HIVEP2: variants seen among roughly 807,000 people sequenced by gnomAD.
HIVEP2 encodes transcription factor HIVEP2.
HIVEP2 carries 14 observed loss-of-function variants against 180.7 expected under a neutral mutation model. The observed-to-expected ratio is 0.08, with a 90% CI of 0.05 to 0.12. The LOEUF (loss-of-function observed/expected upper bound fraction) is 0.12. HIVEP2 is among the 10% of genes least tolerant of loss of function. The pLI is 1.00. For missense variants in HIVEP2, 2,579 were observed against 3,008.5 expected, an observed-to-expected ratio of 0.86 and a Z score of 3.34; for synonymous variants, 1,184 against 1,136.4, an observed-to-expected ratio of 1.04 and a Z score of -0.84.
chr6:142,885,818 G>A (rs1313856678), intron 1 of HIVEP2, among the ~76,000 whole-genome samples: 4 of 152,122 alleles, frequency 2.6e-5, no homozygotes, highest in Non-Finnish European at 4.4e-5. Flanking sequence ...TTTATAAGCC[G>A]TAAACAGTAC....
At chr6:142,844,455 C>T (rs763138390) in intron 1 of HIVEP2, among the ~76,000 whole-genome samples, 2 of 152,092 alleles carry the variant, frequency 1.3e-5, no homozygotes, top group Non-Finnish European at 2.9e-5. Flanking sequence ...CTATGAAATT[C>T]GTCATCTTAT....
intron 2 of HIVEP2, among the ~76,000 whole-genome samples, chr6:142,789,968 T>C (rs1776098563): frequency 6.6e-6 from 1 of 152,146 alleles, no homozygotes; most frequent in Admixed American, 6.6e-5. Context: ...TAGAAGATAA[T>C]CAATTTCCAT....
At chr6:142,940,880 G>C (rs934603531) in intron 1 of HIVEP2, among the ~76,000 whole-genome samples, 1 of 152,156 alleles carries the variant, frequency 6.6e-6, no homozygotes, top group African/African-American at 2.4e-5. Context: ...AGAAGTAGCA[G>C]GTGAGACCCC....
At chr6:142,860,945 T>C (rs1429986365) in intron 1 of HIVEP2, among the ~76,000 whole-genome samples, 3 of 152,228 alleles carry the variant, frequency 2.0e-5, no homozygotes, top group Admixed American at 2.0e-4. Flanking sequence ...ATGTGCCTTA[T>C]TTAATGTTGG....
At chr6:142,895,382 G>C (rs1776961221) in intron 1 of HIVEP2, among the ~76,000 whole-genome samples, 1 of 151,728 alleles carries the variant, frequency 6.6e-6, no homozygotes, top group African/African-American at 2.4e-5. Context: ...CTGGTCAAAT[G>C]ATGTAGGATG....
At chr6:142,855,220 C>G (rs1362601743) in intron 1 of HIVEP2, among the ~76,000 whole-genome samples, 1 of 152,212 alleles carries the variant, frequency 6.6e-6, no homozygotes, top group African/African-American at 2.4e-5. Context: ...ACAAGAGCAA[C>G]TTTTTTGAAC....
At chr6:142,886,773 C>T (rs149482225) in intron 1 of HIVEP2, among the ~76,000 whole-genome samples, 5 of 152,264 alleles carry the variant, frequency 3.3e-5, no homozygotes, top group African/African-American at 1.2e-4. Flanking sequence ...AACCTGTTAA[C>T]AACACTGTTC....
At chr6:142,856,655 G>A (rs1016678226) in intron 1 of HIVEP2, among the ~76,000 whole-genome samples, 6 of 152,342 alleles carry the variant, frequency 3.9e-5, no homozygotes, top group East Asian at 1.9e-4. Context: ...ACAGACAAGC[G>A]TAAAGCCTTC....
At chr6:142,870,135 C>T (rs958521402) in intron 1 of HIVEP2, among the ~76,000 whole-genome samples, 1 of 151,762 alleles carries the variant, frequency 6.6e-6, no homozygotes, top group African/African-American at 2.4e-5. Flanking sequence ...CCTGGGTCTG[C>T]AGCAGCCCAC....
chr6:142,808,953 C>T (rs955399258), intron 2 of HIVEP2, among the ~76,000 whole-genome samples: 1 of 152,080 alleles, frequency 6.6e-6, no homozygotes, highest in African/African-American at 2.4e-5. Flanking sequence ...CATTTGAATA[C>T]AGCTCTTCTC....
chr6:142,761,496 G>T lies in HIVEP2; in HGVS notation c.5588C>A (p.Thr1863Lys). ...KKCLELGVSMTSVDDTETEEA... is the reference protein window; with the variant it reads ...KKCLELGVSMKSVDDTETEEA... The stretch of plus-strand genomic sequence containing the variant: ...CTCAGTTTCTGTATCATCCACCGAT[G>T]TCATTGAGACTCCCAATTCCAGGCA... Residue 1863 changes from threonine (T) to lysine (K), a missense_variant, in exon 8 of 10, where the codon ACA becomes AAA. By Grantham distance (78) the Thr-to-Lys change is moderately conservative. Around this residue, in one of 11 missense-constraint regions of HIVEP2, gnomAD observed 660 missense variants for 731.7 expected, o/e 0.90. Coordinates refer to ENST00000367603, the MANE Select transcript of HIVEP2 (RefSeq NM_006734.4). The T allele has an allele frequency of 1.2e-6, 2 of 1,605,268 alleles. No individual in the cohort carries two copies. Among genetic ancestry groups the T allele is most frequent in the Non-Finnish European group, 8.5e-7 (1 of 1,172,184 alleles).
Position 142,935,245 on chromosome 6 carries a change from G to A in HIVEP2, c.-641+9854C>T, listed in dbSNP as rs1031821309. ...ACATTAAAATCAAATGTGCCAAGAA[G>A]CACTTAAGAGTGCACAGACAGGCTG... is the stretch of plus-strand genomic sequence containing the variant. On this transcript the variant is annotated intron_variant, in intron 1 of 9. Coordinates refer to ENST00000367603, the MANE Select transcript of HIVEP2 (RefSeq NM_006734.4). 5.9e-5 allele frequency among the ~76,000 whole-genome samples: 9 copies of A among 152,330 alleles called. No individual in the cohort carries two copies. The South Asian group carries it at 8.3e-4, about 14-fold the overall frequency.
chr6:142,811,398 A>G (rs1185140875), intron 2 of HIVEP2, among the ~76,000 whole-genome samples: 2 of 152,214 alleles, frequency 1.3e-5, no homozygotes, highest in East Asian at 3.8e-4. Flanking sequence ...GCTGCTTACA[A>G]ATGGGAGTAA....
chr6:142,892,757 G>T (rs1210226425), intron 1 of HIVEP2, among the ~76,000 whole-genome samples: 1 of 152,174 alleles, frequency 6.6e-6, no homozygotes, highest in Admixed American at 6.5e-5. Context: ...TGTGAAGACA[G>T]CAGGCATTCC....
At chr6:142,758,381 C>G (rs1461095603) in intron 9 of HIVEP2, among the ~76,000 whole-genome samples, 2 of 152,102 alleles carry the variant, frequency 1.3e-5, no homozygotes, top group East Asian at 3.9e-4. Flanking sequence ...ACAGGCTGAG[C>G]TCAGGATTCA....
chr6:142,866,145 C>T (rs1416588117), intron 1 of HIVEP2, among the ~76,000 whole-genome samples: 1 of 152,134 alleles, frequency 6.6e-6, no homozygotes, highest in Non-Finnish European at 1.5e-5. Flanking sequence ...AGCTCTAAAT[C>T]AGACTTTCTG....
At chr6:142,836,009 C>T (rs1240193919) in intron 2 of HIVEP2, among the ~76,000 whole-genome samples, 1 of 152,106 alleles carries the variant, frequency 6.6e-6, no homozygotes, top group African/African-American at 2.4e-5. Flanking sequence ...CTCTCTTGTT[C>T]GTTATCAGTC....
chr6:142,837,214 G>A (rs1419971389), intron 1 of HIVEP2, among the ~76,000 whole-genome samples, 167 bp from the exon 2 acceptor site: 1 of 152,102 alleles, frequency 6.6e-6, no homozygotes, highest in Admixed American at 6.5e-5. Flanking sequence ...TAGGAATTAA[G>A]TTAAATTTTC....
intron 1 of HIVEP2, among the ~76,000 whole-genome samples, chr6:142,870,504 C>G (rs1354584645): frequency 6.6e-6 from 1 of 152,166 alleles, no homozygotes; most frequent in Non-Finnish European, 1.5e-5. Context: ...CTCCTGCCCC[C>G]TTTTATTTAC....
Sources: allele counts gnomAD v4.1 joint callset (sites outside exome capture counted in the v4.1 genomes callset), GRCh38; gene constraint gnomAD v4.1.1; regional missense constraint gnomAD v4.1.1; transcripts MANE v1.5; gene names NCBI Gene and HGNC (gene_info 2026-07-23, HGNC 2026-07-21).